NAALADL2: variants seen among roughly 807,000 people sequenced by gnomAD.
NAALADL2 encodes N-acetylated alpha-linked acidic dipeptidase like 2.
A neutral mutation model predicts 87.2 loss-of-function variants in NAALADL2; 76 were observed. The ratio of observed to expected loss-of-function variants is 0.87; its 90% CI spans 0.72 to 1.05. The LOEUF is 1.05. Ranked by LOEUF, NAALADL2 falls within the 50% of genes least tolerant of loss-of-function variation. The pLI is 0.00. For synonymous variants in NAALADL2, 354 were observed against 331.0 expected (o/e 1.07, Z -0.75); for missense variants, 1,089 against 945.8 (o/e 1.15, Z -1.99).
intron 11 of NAALADL2, among the ~76,000 whole-genome samples, chr3:175,709,381 C>T (rs574620931): frequency 6.6e-6 from 1 of 152,116 alleles, no homozygotes; most frequent in Admixed American, 6.6e-5. Flanking sequence ...TACTCCAAAG[C>T]CAAAGGTGAG....
At chr3:175,630,353 G>C (rs909075734) in intron 11 of NAALADL2, among the ~76,000 whole-genome samples, 1 of 151,314 alleles carries the variant, frequency 6.6e-6, no homozygotes, top group South Asian at 2.1e-4. Flanking sequence ...TATTTTCTAC[G>C]ACAAAAAGGA....
At chr3:174,882,651 A>G (rs572005761) in intron 1 of NAALADL2, among the ~76,000 whole-genome samples, 58 of 132,786 alleles carry the variant, frequency 4.4e-4, no homozygotes, top group African/African-American at 1.7e-3. Context: ...ATGTGCATAT[A>G]CACATATGTG....
chr3:175,714,312 T>A (rs900548451), intron 11 of NAALADL2, among the ~76,000 whole-genome samples: 2 of 152,174 alleles, frequency 1.3e-5, no homozygotes, highest in African/African-American at 4.8e-5. Context: ...CCACACTGTC[T>A]TCCACAATGG....
intron 2 of NAALADL2, among the ~76,000 whole-genome samples, chr3:174,582,638 G>A (rs760284112): frequency 2.6e-5 from 4 of 152,136 alleles, no homozygotes; most frequent in Admixed American, 6.6e-5. Context: ...CTGGAATGCA[G>A]TGGTGTGATC....
At chr3:174,638,314 G>A (rs1262581844) in intron 2 of NAALADL2, among the ~76,000 whole-genome samples, 1 of 152,104 alleles carries the variant, frequency 6.6e-6, no homozygotes, top group African/African-American at 2.4e-5. Context: ...AAATGTTTTT[G>A]TGTTGTTAAG....
chr3:174,663,395 G>A (rs1725685850), intron 2 of NAALADL2, among the ~76,000 whole-genome samples: 2 of 152,132 alleles, frequency 1.3e-5, no homozygotes, highest in South Asian at 2.1e-4. Context: ...AGGAAAAGAG[G>A]TTTATTTGGC....
At chr3:174,442,922 G>A (rs1227511395) in intron 1 of NAALADL2, among the ~76,000 whole-genome samples, 1 of 152,162 alleles carries the variant, frequency 6.6e-6, no homozygotes, top group African/African-American at 2.4e-5. Context: ...GTTTCCGGGC[G>A]CAGAGAAATA....
chr3:175,481,137 A>C (rs1726398066), intron 9 of NAALADL2, among the ~76,000 whole-genome samples: 1 of 151,952 alleles, frequency 6.6e-6, no homozygotes, highest in Admixed American at 6.6e-5. Flanking sequence ...TACATAAGTG[A>C]ATGTAGATGA....
intron 3 of NAALADL2, among the ~76,000 whole-genome samples, chr3:175,249,260 T>C (rs1331357981): frequency 6.6e-6 from 1 of 152,136 alleles, no homozygotes; most frequent in East Asian, 1.9e-4. Flanking sequence ...GAAAAAAGTA[T>C]TTTTTGTAAG....
At chr3:175,282,389 T>C (rs1754422523) in intron 4 of NAALADL2, among the ~76,000 whole-genome samples, 1 of 152,104 alleles carries the variant, frequency 6.6e-6, no homozygotes, top group Non-Finnish European at 1.5e-5. Flanking sequence ...ATAGGTGTTC[T>C]GTATCACTGG....
intron 5 of NAALADL2, among the ~76,000 whole-genome samples, chr3:175,432,395 T>G (rs986120575): frequency 1.3e-5 from 2 of 152,032 alleles, no homozygotes; most frequent in African/African-American, 4.8e-5. Flanking sequence ...AAAATCCCCT[T>G]TGATGGTACT....
At chr3:175,414,227 T>C (rs1367927079) in intron 5 of NAALADL2, among the ~76,000 whole-genome samples, 1 of 152,208 alleles carries the variant, frequency 6.6e-6, no homozygotes, top group Admixed American at 6.5e-5. Flanking sequence ...ATAGATTTTA[T>C]TTGTGTTTCT....
intron 2 of NAALADL2, among the ~76,000 whole-genome samples, chr3:174,613,464 C>T (rs920189712): frequency 3.3e-5 from 5 of 152,128 alleles, no homozygotes; most frequent in Admixed American, 1.3e-4. Flanking sequence ...AGTGTGCTAT[C>T]GTAGTGTGGC....
chr3:175,734,002 T>C (rs764210981), intron 11 of NAALADL2, among the ~76,000 whole-genome samples: 1 of 152,190 alleles, frequency 6.6e-6, no homozygotes, highest in Non-Finnish European at 1.5e-5. Context: ...CCCTCCTGGC[T>C]GCTTTTACCG....
chr3:174,851,889 G>A (rs2109480154), intron 3 of NAALADL2, among the ~76,000 whole-genome samples: 2 of 152,062 alleles, frequency 1.3e-5, no homozygotes, highest in Admixed American at 1.3e-4. Flanking sequence ...AAGAACAAGT[G>A]GGATTCATCC....
At chr3:174,788,860 T>C (rs2109191874) in intron 3 of NAALADL2, among the ~76,000 whole-genome samples, 1 of 152,306 alleles carries the variant, frequency 6.6e-6, no homozygotes, top group Non-Finnish European at 1.5e-5. Context: ...GTTGCCTAAA[T>C]TGCAGGGCCC....
intron 2 of NAALADL2, among the ~76,000 whole-genome samples, chr3:174,657,252 T>C (rs1725048974): frequency 6.6e-6 from 1 of 151,992 alleles, no homozygotes; most frequent in African/African-American, 2.4e-5. Context: ...GGTCTCGAAC[T>C]CCTGGGATCC....
intron 11 of NAALADL2, among the ~76,000 whole-genome samples, chr3:175,630,448 A>G (rs1182224621): frequency 1.3e-5 from 2 of 151,720 alleles, no homozygotes; most frequent in African/African-American, 4.8e-5. Flanking sequence ...TGAAGTATGT[A>G]TTTAATTAAG....
chr3:174,877,600 A>G (rs1453654294), intron 1 of NAALADL2, among the ~76,000 whole-genome samples: 1 of 152,072 alleles, frequency 6.6e-6, no homozygotes, highest in Non-Finnish European at 1.5e-5. Flanking sequence ...TTTGAGTTTT[A>G]TCCACTCAGT....
Sources: gnomAD v4.1 joint callset for allele counts (sites outside exome capture counted in the v4.1 genomes callset) on GRCh38, gnomAD v4.1.1 for gene constraint, MANE v1.5 for transcripts, NCBI Gene and HGNC (gene_info 2026-07-23, HGNC 2026-07-21) for gene names.